GPATCH2: variants seen among roughly 807,000 people sequenced by gnomAD.
The protein encoded by GPATCH2 is G-patch domain containing 2.
A neutral mutation model predicts 58.0 loss-of-function variants in GPATCH2; 51 were observed. The ratio of observed to expected loss-of-function variants is 0.88; its 90% CI spans 0.70 to 1.11. GPATCH2 has a LOEUF of 1.11. Among genes scored for constraint, GPATCH2 ranks in the 50% most tolerant of loss-of-function variants. GPATCH2 has a pLI of 0.00. For synonymous variants in GPATCH2, 222 were observed against 218.5 expected (o/e 1.02, Z -0.14); for missense variants, 625 against 652.2 (o/e 0.96, Z 0.45).
intron 5 of GPATCH2, among the ~76,000 whole-genome samples, chr1:217,534,352 A>G (rs1402075699): frequency 6.6e-6 from 1 of 152,216 alleles, no homozygotes; most frequent in African/African-American, 2.4e-5. Context: ...ACATACTAGC[A>G]AACATTCATT....
At chr1:217,500,206 G>A (rs1662228872) in intron 6 of GPATCH2, among the ~76,000 whole-genome samples, 3 of 151,960 alleles carry the variant, frequency 2.0e-5, no homozygotes, top group African/African-American at 4.8e-5. Context: ...CTGCCAGCCT[G>A]TCTTTATTAC....
chr1:217,592,302 T>C (rs917457018), intron 5 of GPATCH2, among the ~76,000 whole-genome samples: 6 of 152,042 alleles, frequency 3.9e-5, no homozygotes, highest in African/African-American at 1.4e-4. Flanking sequence ...TTAATTGGTA[T>C]AACTCAAAAA....
At chr1:217,581,334 C>A (rs543032263) in intron 5 of GPATCH2, among the ~76,000 whole-genome samples, 5 of 152,150 alleles carry the variant, frequency 3.3e-5, no homozygotes, top group South Asian at 2.1e-4. Flanking sequence ...CAAGACCTTA[C>A]AAGAAAAGGC....
chr1:217,497,943 G>A (rs1026712554), intron 7 of GPATCH2, among the ~76,000 whole-genome samples: 1 of 152,184 alleles, frequency 6.6e-6, no homozygotes, highest in South Asian at 2.1e-4. Flanking sequence ...TAATGTAAAA[G>A]TATAAGAAAC....
intron 2 of GPATCH2, among the ~76,000 whole-genome samples, chr1:217,619,557 T>C (rs1005604047): frequency 6.6e-6 from 1 of 152,142 alleles, no homozygotes; most frequent in African/African-American, 2.4e-5. Context: ...AGCTGAAAAT[T>C]GAGTCATTAT....
intron 5 of GPATCH2, among the ~76,000 whole-genome samples, chr1:217,518,091 T>C (rs572674527): frequency 2.0e-5 from 3 of 152,282 alleles, no homozygotes; most frequent in East Asian, 3.9e-4. Flanking sequence ...AGCAGATATA[T>C]TTCTTTTTAT....
At chr1:217,593,550 G>C (rs1247021859) in intron 5 of GPATCH2, among the ~76,000 whole-genome samples, 1 of 151,960 alleles carries the variant, frequency 6.6e-6, no homozygotes, top group Non-Finnish European at 1.5e-5. Context: ...TTTTGGCTCT[G>C]TACCACTCTT....
chr1:217,552,993 T>C (rs1356614409), intron 5 of GPATCH2, among the ~76,000 whole-genome samples: 1 of 152,158 alleles, frequency 6.6e-6, no homozygotes, highest in Admixed American at 6.6e-5. Context: ...CTAAATTACA[T>C]ATTTAAGTGA....
At chr1:217,582,174 C>T (rs957242560) in intron 5 of GPATCH2, among the ~76,000 whole-genome samples, 10 of 152,264 alleles carry the variant, frequency 6.6e-5, no homozygotes, top group South Asian at 2.1e-4. Context: ...CGTCTATACA[C>T]TTCTGTCACC....
chr1:217,563,966 C>T, intron 5 of GPATCH2, among the ~76,000 whole-genome samples: 1 of 142,344 alleles, frequency 7.0e-6, no homozygotes, highest in East Asian at 2.2e-4. Context: ...ATCACTTGAA[C>T]CCGGGAGGCG....
At chr1:217,485,011 A>G (rs1195108626) in intron 8 of GPATCH2, among the ~76,000 whole-genome samples, 1 of 152,138 alleles carries the variant, frequency 6.6e-6, no homozygotes, top group East Asian at 1.9e-4. Flanking sequence ...TACTATAGAA[A>G]TTGGCTCATG....
intron 5 of GPATCH2, among the ~76,000 whole-genome samples, chr1:217,555,247 T>G (rs985286296): frequency 1.3e-5 from 2 of 152,172 alleles, no homozygotes; most frequent in Non-Finnish European, 2.9e-5. Flanking sequence ...ACCCCAACTA[T>G]TTAGAAAGAC....
chr1:217,530,381 A>G (rs576830807), intron 5 of GPATCH2, among the ~76,000 whole-genome samples: 6 of 152,370 alleles, frequency 3.9e-5, no homozygotes, highest in Admixed American at 1.3e-4. Flanking sequence ...TACAAAAATT[A>G]AAGAGATCAT....
At chr1:217,551,557 T>C (rs901034374) in intron 5 of GPATCH2, among the ~76,000 whole-genome samples, 2 of 152,120 alleles carry the variant, frequency 1.3e-5, no homozygotes, top group African/African-American at 4.8e-5. Flanking sequence ...TCTCTAATAA[T>C]ATTTTAACCT....
At chr1:217,630,658 A>C (rs1159978785) in intron 1 of GPATCH2, among the ~76,000 whole-genome samples, 1 of 152,214 alleles carries the variant, frequency 6.6e-6, no homozygotes, top group Non-Finnish European at 1.5e-5. Flanking sequence ...TTGCTCCTGG[A>C]GTACAGGAAG....
At chr1:217,438,915 T>A (rs1021270635) in intron 9 of GPATCH2, among the ~76,000 whole-genome samples, 1 of 152,114 alleles carries the variant, frequency 6.6e-6, no homozygotes, top group African/African-American at 2.4e-5. Context: ...TTCCACACAA[T>A]AATAGTGGGA....
intron 8 of GPATCH2, among the ~76,000 whole-genome samples, chr1:217,461,877 T>A (rs1027816465): frequency 6.6e-6 from 1 of 152,160 alleles, no homozygotes; most frequent in Non-Finnish European, 1.5e-5. Flanking sequence ...GGTAGATATA[T>A]GTTATATCCC....
intron 9 of GPATCH2, among the ~76,000 whole-genome samples, chr1:217,437,103 G>A (rs1368245165): frequency 6.6e-5 from 10 of 152,086 alleles, no homozygotes; most frequent in Non-Finnish European, 1.5e-4. Flanking sequence ...AGGGTGGGGC[G>A]GTGCCTCACC....
rs143121422 is a variant in GPATCH2, at chr1:217,511,134, A to T, written c.1166+3688T>A. ...AAAATAAATAAAATAAAATAAACAT[A>T]AAATAAAATTAGAAACTATATACCT... On this transcript the variant is annotated intron_variant, in intron 6 of 9. Transcript: ENST00000366935. Among the ~76,000 whole-genome samples, 217 of 152,098 alleles carry T rather than the reference A, an allele frequency of 1.4e-3. 1 individual carries two copies. The highest frequency in any genetic ancestry group is 4.7e-3 in the African/African-American group (194 of 41,560).
Sources: allele counts gnomAD v4.1 joint callset (sites outside exome capture counted in the v4.1 genomes callset), GRCh38; gene constraint gnomAD v4.1.1; transcripts MANE v1.5; gene names NCBI Gene and HGNC (gene_info 2026-07-23, HGNC 2026-07-21).